CAMTA1: variants seen among roughly 807,000 people sequenced by gnomAD.
CAMTA1 encodes calmodulin-binding transcription activator 1.
CAMTA1 carries 27 observed loss-of-function variants against 170.9 expected under a neutral mutation model. That is an observed-to-expected ratio of 0.16 (90% CI 0.12 to 0.22). The LOEUF (loss-of-function observed/expected upper bound fraction) is 0.22, where lower values mean the gene tolerates loss of function less well. Among genes scored for constraint, CAMTA1 ranks in the 10% least tolerant of loss-of-function variants. The pLI is 1.00. For missense variants in CAMTA1, 1,619 were observed against 2,217.2 expected, an observed-to-expected ratio of 0.73 and a Z score of 5.42; for synonymous variants, 833 against 891.5, an observed-to-expected ratio of 0.93 and a Z score of 1.17.
At chr1:7,763,217 A>G (rs1057434014) in intron 22 of CAMTA1, among the ~76,000 whole-genome samples, 9 of 152,228 alleles carry the variant, frequency 5.9e-5, no homozygotes, top group Non-Finnish European at 5.9e-5. Flanking sequence ...CTGTATAGCT[A>G]TTGGAATTTA....
intron 11 of CAMTA1, among the ~76,000 whole-genome samples, chr1:7,708,392 G>A (rs2096543315): frequency 1.3e-5 from 2 of 152,144 alleles, no homozygotes; most frequent in Non-Finnish European, 2.9e-5. Flanking sequence ...CTGCACTTTG[G>A]GAGGCCAAGG....
intron 6 of CAMTA1, among the ~76,000 whole-genome samples, chr1:7,503,546 T>C (rs2094046280): frequency 6.6e-6 from 1 of 152,042 alleles, no homozygotes; most frequent in South Asian, 2.1e-4. Context: ...CAGGGTCAGG[T>C]GCCAGACCTG....
intron 6 of CAMTA1, among the ~76,000 whole-genome samples, chr1:7,537,517 C>T (rs567912563): frequency 1.3e-5 from 2 of 152,340 alleles, no homozygotes; most frequent in East Asian, 3.9e-4. Context: ...GGCTGACTCT[C>T]AGGCTGCCAC....
At chr1:7,154,314 G>T (rs13376128) in intron 4 of CAMTA1, among the ~76,000 whole-genome samples, 32,252 of 151,956 alleles carry the variant, frequency 0.21, 3,832 homozygotes, top group Middle Eastern at 0.36. Flanking sequence ...AGGAAAAGGT[G>T]CTATTAAGAT....
intron 4 of CAMTA1, among the ~76,000 whole-genome samples, chr1:7,204,766 C>CTATTAT (rs1465806188): frequency 6.9e-6 from 1 of 145,678 alleles, no homozygotes; most frequent in Admixed American, 6.8e-5. Flanking sequence ...TCTCCAAATA[C>CTATTAT]TATTATTATT....
chr1:7,397,540 A>G (rs1459687890), intron 5 of CAMTA1, among the ~76,000 whole-genome samples: 2 of 151,870 alleles, frequency 1.3e-5, no homozygotes, highest in Non-Finnish European at 2.9e-5. Flanking sequence ...ATTGCTATCT[A>G]CTAATTCTGG....
At chr1:6,883,673 G>A (rs949477897) in intron 3 of CAMTA1, among the ~76,000 whole-genome samples, 1 of 152,116 alleles carries the variant, frequency 6.6e-6, no homozygotes, top group African/African-American at 2.4e-5. Flanking sequence ...GGATCGAGGA[G>A]TTGTTGGAGT....
chr1:7,355,433 C>G (rs1240762641), intron 5 of CAMTA1, among the ~76,000 whole-genome samples: 5 of 152,128 alleles, frequency 3.3e-5, no homozygotes, highest in Non-Finnish European at 5.9e-5. Context: ...CTTCTTCTGT[C>G]TACCCATCCA....
chr1:7,627,658 G>C (rs920516121), intron 6 of CAMTA1, among the ~76,000 whole-genome samples: 3 of 152,176 alleles, frequency 2.0e-5, no homozygotes, highest in Non-Finnish European at 2.9e-5. Context: ...GTTGTCTCTG[G>C]AGCACACACT....
chr1:7,741,763 C>T (rs1016793596), intron 16 of CAMTA1, among the ~76,000 whole-genome samples: 1 of 151,596 alleles, frequency 6.6e-6, no homozygotes, highest in African/African-American at 2.4e-5. Context: ...GGTGTGTTGG[C>T]AGGTCCCTGT....
intron 3 of CAMTA1, among the ~76,000 whole-genome samples, chr1:6,959,236 G>A (rs1276189052): frequency 6.6e-6 from 1 of 152,236 alleles, no homozygotes; most frequent in African/African-American, 2.4e-5. Context: ...GGAGAAAAGG[G>A]TGGCCACAGT....
At position 7,111,320 on chromosome 1, in the gene CAMTA1, A is replaced by C. The variant is rs528223163; in HGVS notation, c.302+19949A>C. ...AGGTTTCGGGGATTAGGACATGGACATCTGGGGAGAGGGGTACATGATTCT... is the reference window on the plus strand; with the variant it reads ...AGGTTTCGGGGATTAGGACATGGACCTCTGGGGAGAGGGGTACATGATTCT... On this transcript the variant is annotated intron_variant, in intron 4 of 22. Coordinates refer to ENST00000303635, the MANE Select transcript of CAMTA1 (RefSeq NM_015215.4). Among the ~76,000 whole-genome samples, 10 of 152,338 alleles carry C rather than the reference A, an allele frequency of 6.6e-5. No individual in the cohort carries two copies. The East Asian group carries it at 1.9e-3, about 29-fold the overall frequency.
chr1:7,348,556 C>T (rs1228117869), intron 5 of CAMTA1, among the ~76,000 whole-genome samples: 1 of 152,196 alleles, frequency 6.6e-6, no homozygotes, highest in African/African-American at 2.4e-5. Context: ...GGTTCGGCCG[C>T]CTACAAAGGC....
chr1:6,825,726 T>G (rs190671451), intron 3 of CAMTA1, among the ~76,000 whole-genome samples: 8 of 152,322 alleles, frequency 5.3e-5, no homozygotes, highest in Admixed American at 3.9e-4. Flanking sequence ...TACAGTAGAT[T>G]ATGTATTTAG....
At position 7,299,147 on chromosome 1, in the gene CAMTA1, T is replaced by C. The variant is rs540557339; in HGVS notation, c.438+49521T>C. On this transcript the variant is annotated intron_variant, in intron 5 of 22. Transcript: ENST00000303635. This position sits in a 1 kb window ranked among gnomAD's most constrained non-coding sequence, Gnocchi z 4.7. ...TCTGAAAATTCTGTTTTAAAATATG[T>C]GCTGGAGGTGGGGAGACCTGATTCC... is the stretch of plus-strand genomic sequence containing the variant. Among the ~76,000 whole-genome samples, 26 of 152,200 alleles carry C rather than the reference T, an allele frequency of 1.7e-4. No individual in the cohort carries two copies. The highest frequency in any genetic ancestry group is 3.7e-4 in the Non-Finnish European group (25 of 68,032).
chr1:7,231,091 C>A (rs185393260), intron 4 of CAMTA1, among the ~76,000 whole-genome samples: 1 of 152,226 alleles, frequency 6.6e-6, no homozygotes, highest in East Asian at 1.9e-4. Flanking sequence ...CGAGTCTGAT[C>A]GTGGGATGAG....
At chr1:7,613,894 C>G (rs115262656) in intron 6 of CAMTA1, among the ~76,000 whole-genome samples, 4 of 136,790 alleles carry the variant, frequency 2.9e-5, no homozygotes, top group African/African-American at 1.1e-4. Context: ...AGGGGCAGGC[C>G]GGACCTAGAG....
At chr1:7,663,267 A>G in intron 8 of CAMTA1, 86 bp from the exon 9 acceptor site, 1 of 1,479,128 alleles carries the variant, frequency 6.8e-7, no homozygotes, top group East Asian at 2.3e-5. Flanking sequence ...CCACGGTCCT[A>G]GCTCTGACTC....
intron 4 of CAMTA1, among the ~76,000 whole-genome samples, chr1:7,178,082 T>A (rs2148869456): frequency 6.6e-6 from 1 of 152,308 alleles, no homozygotes; most frequent in Admixed American, 6.5e-5. Flanking sequence ...CTCCCACACA[T>A]TGACCTGCCT....
Sources: gnomAD v4.1 joint callset for allele counts (sites outside exome capture counted in the v4.1 genomes callset) on GRCh38, gnomAD v4.1.1 for gene constraint, Gnocchi (gnomAD v3.1) non-coding constraint, MANE v1.5 for transcripts, NCBI Gene and HGNC (gene_info 2026-07-23, HGNC 2026-07-21) for gene names.